NXF1: variants seen among roughly 807,000 people sequenced by gnomAD.
The protein encoded by NXF1 is mRNA export factor TAP.
Under a neutral mutation model 92.4 loss-of-function variants are expected in NXF1, and 43 were observed. The ratio of observed to expected loss-of-function variants is 0.47; its 90% CI spans 0.36 to 0.60. NXF1 has a LOEUF of 0.60. Ranked by LOEUF, NXF1 falls within the 20% of genes least tolerant of loss-of-function variation. The pLI, the probability that NXF1 is intolerant of heterozygous loss-of-function variation, is 0.00. For synonymous variants in NXF1, 288 were observed against 292.2 expected, an observed-to-expected ratio of 0.99 and a Z score of 0.15; for missense variants, 576 against 793.0, an observed-to-expected ratio of 0.73 and a Z score of 3.29.
intron 17 of NXF1, 106 bp downstream of exon 17, chr11:62,795,795 C>T: frequency 8.7e-7 from 1 of 1,146,224 alleles, no homozygotes; most frequent in South Asian, 1.2e-5. Context: ...AGAAGGAGCT[C>T]AAAAAGAAAA....
chr11:62,801,780 T>A lies in NXF1; in HGVS notation c.598A>T (p.Ile200Leu). Residue 200 changes from isoleucine (I) to leucine (L), a missense_variant, in exon 6 of 21, where the codon ATA (isoleucine) becomes TTA (leucine). Around this residue, in one of 2 missense-constraint regions of NXF1, gnomAD observed 425 missense variants for 635.2 expected, o/e 0.67. Transcript: ENST00000294172. Reference sequence around the variant, plus strand: ...TGTTCTGGCTTCAGTTCATTCAGTATAGTGTGGGGTGGAGCAGAAGAGTTG... The same window carrying A: ...TGTTCTGGCTTCAGTTCATTCAGTAAAGTGTGGGGTGGAGCAGAAGAGTTG... ...IINSSAPPHT[I>L]LNELKPEQVE... 1 of 1,613,888 alleles carries A rather than the reference T, an allele frequency of 6.2e-7. No homozygotes were observed. The highest frequency in any genetic ancestry group is 8.5e-7 in the Non-Finnish European group (1 of 1,179,878).
intron 9 of NXF1, among the ~76,000 whole-genome samples, 200 bp downstream of exon 9, chr11:62,800,894 T>C (rs895125015): frequency 6.6e-6 from 1 of 152,174 alleles, no homozygotes. Context: ...CTCAGCCCCC[T>C]GGGGCAGCTT....
intron 1 of NXF1, chr11:62,804,279 TC>T (rs2084511227): frequency 8.0e-7 from 1 of 1,256,408 alleles, no homozygotes; most frequent in Non-Finnish European, 1.0e-6. Context: ...AAATCAGACC[TC>T]TGAAAGCCAC....
In NXF1 at chr11:62,803,968, A is replaced by C; in HGVS notation, c.39T>G (p.Asp13Glu). The C allele has an allele frequency of 6.2e-7, 1 of 1,613,664 alleles. No individual in the cohort carries two copies. Among genetic ancestry groups the C allele is most frequent in the Non-Finnish European group, 8.5e-7 (1 of 1,179,938 alleles). ...DEGKSYSEHD[D>E]ERVNFPQRKK... Reference sequence around the variant, plus strand: ...TTCTTTGAGGGAAATTAACGCGTTCATCATCGTGTTCTAGAGTTAGAAACA... The same window carrying C: ...TTCTTTGAGGGAAATTAACGCGTTCCTCATCGTGTTCTAGAGTTAGAAACA... Residue 13 changes from aspartate to glutamate, a missense_variant, in exon 2 of 21, where the codon GAT (aspartate) becomes GAG (glutamate). Asp to Glu is a conservative substitution (Grantham distance 45). Transcript: ENST00000294172.
intron 10 of NXF1, 123 bp from the exon 11 acceptor site, chr11:62,798,698 C>A: frequency 6.6e-7 from 1 of 1,511,788 alleles, no homozygotes; most frequent in South Asian, 1.3e-5. Flanking sequence ...CCTCCACTCC[C>A]TCCCAGCCTG....
chr11:62,795,000 T>G lies in NXF1; in HGVS notation c.1512A>C (p.Gly504=). The change falls in exon 18 of 21, where the codon GGA becomes GGC. Residue 504 remains glycine (G), a synonymous_variant. Coordinates refer to ENST00000294172, the MANE Select transcript of NXF1 (RefSeq NM_006362.5). Reference sequence around the variant, plus strand: ...AGGCTCGCAAAGAATCCCGGGACTTTCCGTCCACTGCAATAAGAACAGCAA... The same window carrying G: ...AGGCTCGCAAAGAATCCCGGGACTTGCCGTCCACTGCAATAAGAACAGCAA... ...SVNGVFKEVD[G]KSRDSLRAFT... is the part of the protein sequence containing the mutation. The G allele has an allele frequency of 6.2e-7, 1 of 1,614,166 alleles. No individual in the cohort carries two copies. The highest frequency in any genetic ancestry group is 2.2e-5 in the East Asian group (1 of 44,884).
intron 2 of NXF1, 62 bp downstream of exon 2, chr11:62,803,730 A>G (rs777274771): frequency 1.3e-6 from 2 of 1,566,166 alleles, no homozygotes; most frequent in East Asian, 2.2e-5. Flanking sequence ...TGACATGGAC[A>G]GTAAAAGGGC....
intron 19 of NXF1, among the ~76,000 whole-genome samples, chr11:62,793,756 G>A (rs2084391136): frequency 6.8e-6 from 1 of 147,548 alleles, no homozygotes; most frequent in Non-Finnish European, 1.5e-5. Context: ...GGCCGAGGTA[G>A]GCAGATCACA....
At chr11:62,797,652 G>A (rs866936931) in intron 11 of NXF1, among the ~76,000 whole-genome samples, 2 of 152,176 alleles carry the variant, frequency 1.3e-5, no homozygotes, top group Non-Finnish European at 2.9e-5. Context: ...GTTGCAGTAA[G>A]CTACGATTGT....
rs1024331417 is a variant in NXF1 at position 62,804,006 on chromosome 11, A to G, written c.29-28T>C. The G allele has an allele frequency of 2.5e-6, 4 of 1,608,118 alleles. No homozygotes were observed. In the East Asian group the frequency reaches 6.7e-5, roughly 27 times the overall value. Reference sequence around the variant, plus strand: ...AGAGTTAGAAACAGGAACACAAATTAGAAGTAAGTAACTGGTCCGGTTTGG... The same window carrying G: ...AGAGTTAGAAACAGGAACACAAATTGGAAGTAAGTAACTGGTCCGGTTTGG... On this transcript the variant is annotated intron_variant, in intron 1 of 20. Coordinates refer to ENST00000294172, the MANE Select transcript of NXF1 (RefSeq NM_006362.5).
At chr11:62,794,848 A>T in intron 18 of NXF1, 87 bp downstream of exon 18, 2 of 1,243,300 alleles carry the variant, frequency 1.6e-6, no homozygotes, top group Non-Finnish European at 2.3e-6. Context: ...TTCTGAAATC[A>T]CCCCAAAGAC....
Position 62,801,669 on chromosome 11 carries a change from G to A in NXF1, c.640-38C>T, listed in dbSNP as rs183380305. 1.7e-5 allele frequency: 28 copies of A among 1,611,412 alleles called. No individual in the cohort carries two copies. The Admixed American group carries it at 4.0e-4, about 23-fold the overall frequency. ...GAAGGGTTTAGTGGTCACTGGGTTTGTGTGTGGGGGGTGGGGGTGTGAGAA... is the reference window on the plus strand; with the variant it reads ...GAAGGGTTTAGTGGTCACTGGGTTTATGTGTGGGGGGTGGGGGTGTGAGAA... On this transcript the variant is annotated intron_variant, in intron 6 of 20. Transcript: ENST00000294172.
At chr11:62,798,610 A>C in intron 10 of NXF1, 35 bp from the exon 11 acceptor site, 1 of 1,613,222 alleles carries the variant, frequency 6.2e-7, no homozygotes, top group Non-Finnish European at 8.5e-7. Flanking sequence ...GTGATGCTTC[A>C]GAGCCACCGT....
intron 9 of NXF1, 107 bp downstream of exon 9, chr11:62,800,987 A>G (rs1325816161): frequency 1.2e-6 from 1 of 820,350 alleles, no homozygotes; most frequent in East Asian, 2.5e-5. Flanking sequence ...GTTGCAAACC[A>G]GCACATCTGG....
chr11:62,795,716 C>T (rs1295067038), intron 17 of NXF1, among the ~76,000 whole-genome samples, 185 bp downstream of exon 17: 1 of 152,120 alleles, frequency 6.6e-6, no homozygotes. Context: ...AATCCCCAGG[C>T]TTTTCCCACA....
At chr11:62,795,098 C>T in intron 17 of NXF1, 91 bp from the exon 18 acceptor site, 1 of 1,229,374 alleles carries the variant, frequency 8.1e-7, no homozygotes, top group Non-Finnish European at 1.2e-6. Flanking sequence ...TATAAAGAAT[C>T]CTAGCAAGTC....
Position 62,792,256 on chromosome 11 carries a change from C to T in NXF1, c.*220G>A. 1.4e-6 allele frequency: 1 copy of T among 701,328 alleles called. No individual in the cohort carries two copies. The highest frequency in any genetic ancestry group is 2.4e-5 in the Admixed American group (1 of 41,806). The allele number at this position is 701,328 out of a possible 1,614,324, so 43.4% of individuals were successfully genotyped here. ...CTAAGTCCTTCGGGTAGTTTAGTGT[C>T]AGTTCTACAAAGTAAGCTTTGGCTT... On this transcript the variant is annotated 3_prime_UTR_variant, in exon 21 of 21. Transcript: ENST00000294172.
intron 13 of NXF1, 79 bp from the exon 14 acceptor site, chr11:62,796,646 T>G: frequency 1.0e-6 from 1 of 955,394 alleles, no homozygotes; most frequent in Non-Finnish European, 1.7e-6. Flanking sequence ...CAAGAGTGAG[T>G]TGTGGCCGGG....
chr11:62,805,131 T>TC (rs2084521722), intron 1 of NXF1, 198 bp downstream of exon 1: 1 of 412,762 alleles, frequency 2.4e-6, no homozygotes, highest in African/African-American at 2.1e-5. Flanking sequence ...GAGCCGCAGG[T>TC]CCCCCAACAC....
Sources: gnomAD v4.1 joint callset for allele counts (sites outside exome capture counted in the v4.1 genomes callset) on GRCh38, gnomAD v4.1.1 for gene constraint, gnomAD v4.1.1 regional missense constraint, MANE v1.5 for transcripts, NCBI Gene and HGNC (gene_info 2026-07-23, HGNC 2026-07-21) for gene names.